TENM3: variants seen among roughly 807,000 people sequenced by gnomAD.
TENM3 encodes teneurin-3.
In TENM3, 63 loss-of-function variants were observed where a neutral mutation model predicts 255.1. The observed-to-expected ratio is 0.25, with a 90% confidence interval of 0.20 to 0.30. The LOEUF (loss-of-function observed/expected upper bound fraction) is 0.30. TENM3 is among the 10% of genes least tolerant of loss of function. The pLI is 1.00. For synonymous variants in TENM3, 1,306 were observed against 1,322.3 expected (o/e 0.99, Z 0.27); for missense variants, 2,929 against 3,461.1 (o/e 0.85, Z 3.86).
intron 3 of TENM3, among the ~76,000 whole-genome samples, chr4:182,443,330 A>G (rs1375913989): frequency 6.6e-6 from 1 of 152,132 alleles, no homozygotes; most frequent in Non-Finnish European, 1.5e-5. Context: ...GCCAGGGATA[A>G]GCAGCACTCC....
the TENM3 span, among the ~76,000 whole-genome samples, chr4:182,116,670 C>A: frequency 6.6e-6 from 1 of 152,184 alleles, no homozygotes; most frequent in African/African-American, 2.4e-5. Flanking sequence ...TACCCAGTCT[C>A]AAGTATTTCT....
At chr4:181,636,013 A>T in the TENM3 span, among the ~76,000 whole-genome samples, 1 of 152,092 alleles carries the variant, frequency 6.6e-6, no homozygotes, top group Admixed American at 6.6e-5. Flanking sequence ...ATATGTACAC[A>T]CATGTGGAAG....
chr4:182,040,562 A>G, the TENM3 span, among the ~76,000 whole-genome samples: 2 of 152,130 alleles, frequency 1.3e-5, no homozygotes, highest in East Asian at 3.9e-4. Context: ...TTTCTATTTA[A>G]TCTTTTGTGC....
intron 2 of TENM3, among the ~76,000 whole-genome samples, chr4:182,344,229 C>T (rs1231029439): frequency 6.6e-6 from 1 of 151,992 alleles, no homozygotes; most frequent in Non-Finnish European, 1.5e-5. Context: ...AACCTGAGTC[C>T]AACTGAGGCC....
At chr4:182,593,129 C>A (rs1746838569) in intron 3 of TENM3, among the ~76,000 whole-genome samples, 1 of 152,106 alleles carries the variant, frequency 6.6e-6, no homozygotes, top group South Asian at 2.1e-4. Context: ...CCTAGATTAC[C>A]TGACAACTCC....
chr4:182,631,746 C>A (rs1248981271), intron 5 of TENM3: 1 of 152,158 alleles, frequency 6.6e-6, no homozygotes, highest in Non-Finnish European at 1.5e-5. Flanking sequence ...GAATTCCCTT[C>A]TCTTATATTG....
intron 3 of TENM3, among the ~76,000 whole-genome samples, chr4:182,373,588 CAAG>C (rs1460656023): frequency 6.6e-6 from 1 of 152,156 alleles, no homozygotes; most frequent in Non-Finnish European, 1.5e-5. Flanking sequence ...CACTCATCAC[CAAG>C]GTGATGTCAC....
intron 24 of TENM3, among the ~76,000 whole-genome samples, chr4:182,784,862 C>T (rs899400613): frequency 2.0e-5 from 3 of 152,262 alleles, no homozygotes; most frequent in East Asian, 3.9e-4. Context: ...AAAGGGAACT[C>T]CCTGACCCCT....
chr4:181,831,218 T>C, the TENM3 span, among the ~76,000 whole-genome samples: 2 of 152,220 alleles, frequency 1.3e-5, no homozygotes, highest in African/African-American at 4.8e-5. Flanking sequence ...TAAGATTTTA[T>C]GATCAAATTT....
intron 1 of TENM3, among the ~76,000 whole-genome samples, chr4:182,306,382 G>A (rs1400214559): frequency 6.6e-6 from 1 of 151,848 alleles, no homozygotes; most frequent in Non-Finnish European, 1.5e-5. Flanking sequence ...AATCAGGTTT[G>A]TACAGCCAAG....
At chr4:182,680,886 T>A in intron 10 of TENM3, 149 bp downstream of exon 10, 1 of 546,368 alleles carries the variant, frequency 1.8e-6, no homozygotes, top group Non-Finnish European at 3.0e-6. Context: ...ATTGTTTTAC[T>A]AACATTTTAA....
intron 18 of TENM3, 64 bp downstream of exon 18, chr4:182,738,608 C>T (rs1761353398): frequency 7.4e-7 from 1 of 1,352,268 alleles, no homozygotes. Flanking sequence ...TAATGTTGCC[C>T]ACTTTCCAAC....
intron 1 of TENM3, among the ~76,000 whole-genome samples, chr4:182,264,290 C>T (rs565474283): frequency 2.8e-3 from 434 of 152,328 alleles, no homozygotes; most frequent in African/African-American, 9.8e-3. Context: ...CAAGACGGCC[C>T]AGCAAGCTGG....
At chr4:182,240,726 A>G (rs896467771), upstream of TENM3, among the ~76,000 whole-genome samples, 10 of 152,242 alleles carry the variant, frequency 6.6e-5, no homozygotes, top group African/African-American at 2.4e-4. Context: ...GCCATTCCCC[A>G]TGGACACAGC....
the TENM3 span, among the ~76,000 whole-genome samples, chr4:181,470,124 A>AAC: frequency 6.6e-6 from 1 of 151,578 alleles, no homozygotes; most frequent in Admixed American, 6.6e-5. Context: ...AAAAAAAAAA[A>AAC]ACATTATTCA....
At chr4:181,651,974 C>T in the TENM3 span, among the ~76,000 whole-genome samples, 1 of 152,124 alleles carries the variant, frequency 6.6e-6, no homozygotes, top group Non-Finnish European at 1.5e-5. Context: ...AAGATATTAG[C>T]TTTCAATTTG....
chr4:182,026,627 T>A, the TENM3 span, among the ~76,000 whole-genome samples: 26 of 152,230 alleles, frequency 1.7e-4, 1 homozygote, highest in Admixed American at 1.7e-3. Flanking sequence ...CATTTTTATT[T>A]GATTTTTGTA....
At chr4:182,169,071 C>CCACACACACA (rs1304730493) in intron 1 of TENM3, among the ~76,000 whole-genome samples, 1 of 51,936 alleles carries the variant, frequency 1.9e-5, no homozygotes, top group Non-Finnish European at 4.8e-5. Context: ...TATAATCATG[C>CCACACACACA]CATACACACA....
At chr4:181,797,818 C>T in the TENM3 span, among the ~76,000 whole-genome samples, 22 of 152,242 alleles carry the variant, frequency 1.4e-4, 1 homozygote, top group Non-Finnish European at 2.5e-4. Flanking sequence ...ACCTTAACGT[C>T]GCCTTGACAA....
Sources: allele counts gnomAD v4.1 joint callset (sites outside exome capture counted in the v4.1 genomes callset), GRCh38; gene constraint gnomAD v4.1.1; transcripts MANE v1.5; gene names NCBI Gene and HGNC (gene_info 2026-07-23, HGNC 2026-07-21).